AATK: variants seen among roughly 807,000 people sequenced by gnomAD.
AATK encodes the protein lemur tail kinase 1.
In AATK, 91 loss-of-function variants were observed where a neutral mutation model predicts 114.3. The ratio of observed to expected loss-of-function variants is 0.80; its 90% CI spans 0.67 to 0.95. The LOEUF is 0.95. Among genes scored for constraint, AATK ranks in the 40% least tolerant of loss-of-function variants. The pLI is 0.00. For missense variants in AATK, 2,176 were observed against 1,965.2 expected (o/e 1.11, Z -2.03); for synonymous variants, 1,075 against 916.5 (o/e 1.17, Z -3.12).
In AATK at chr17:81,166,116, C is replaced by T; in HGVS notation, c.-124G>A. On this transcript the variant is annotated 5_prime_UTR_variant, in exon 1 of 14. Coordinates refer to ENST00000326724, the MANE Select transcript of AATK (RefSeq NM_001080395.3). ...GTGCGGAGCGCGCCGGCCCCCGCGCCCCGCGCCCCCCGCCGCAGCCGCAGA... is the reference window on the plus strand; with the variant it reads ...GTGCGGAGCGCGCCGGCCCCCGCGCTCCGCGCCCCCCGCCGCAGCCGCAGA... 1 of 440,402 alleles carries T rather than the reference C, an allele frequency of 2.3e-6. No individual in the cohort carries two copies. The highest frequency in any genetic ancestry group is 3.0e-6 in the Non-Finnish European group (1 of 336,510). 27.3% of individuals were successfully genotyped at this position (440,402 alleles called of 1,614,324 possible).
chr17:81,138,370 TGGACACAC>T lies in AATK; in HGVS notation c.56-3877_56-3870del, dbSNP rs1445460494. ...ACATACCCACGCACACACACTCCCA[TGGACACAC>T]GGGCACACGTGCACACACACCCCCA... On this transcript the variant is annotated intron_variant, in intron 1 of 13. Coordinates refer to ENST00000326724, the MANE Select transcript of AATK (RefSeq NM_001080395.3). Among the ~76,000 whole-genome samples the T allele has an allele frequency of 4.8e-5, 5 of 104,914 alleles. No individual in the cohort carries two copies. In the South Asian group the frequency reaches 1.0e-3, roughly 22 times the overall value. The allele number at this position is 104,914 out of a possible 152,430, so 68.8% of individuals were successfully genotyped here. A position where few individuals can be genotyped will look rare whatever the true frequency, so the allele number is the denominator to read the frequency against.
intron 1 of AATK, chr17:81,160,338 C>A (rs891594177): frequency 1.2e-3 from 956 of 780,678 alleles, no homozygotes; most frequent in Middle Eastern, 2.6e-3. Flanking sequence ...AAGGCCGCAG[C>A]CCCCTGACCC....
At chr17:81,143,253 C>G (rs2061164637) in intron 1 of AATK, among the ~76,000 whole-genome samples, 1 of 152,128 alleles carries the variant, frequency 6.6e-6, no homozygotes, top group Non-Finnish European at 1.5e-5. Flanking sequence ...TGCAGCAGCC[C>G]CAGGTCCCAG....
intron 4 of AATK, among the ~76,000 whole-genome samples, chr17:81,128,143 CCTCTCT>C (rs35548893): frequency 2.7e-5 from 4 of 150,688 alleles, no homozygotes; most frequent in African/African-American, 7.3e-5. Context: ...CCCCCGCTGC[CCTCTCT>C]CTCTCTCTCT....
At chr17:81,127,077 G>C (rs1473464409) in intron 6 of AATK, among the ~76,000 whole-genome samples, 2 of 143,680 alleles carry the variant, frequency 1.4e-5, no homozygotes, top group African/African-American at 2.6e-5. Flanking sequence ...CTCGGGGGAG[G>C]GGGAGACGGG....
chr17:81,131,055 C>T lies in AATK; in HGVS notation c.334+6G>A. 2 of 1,549,756 alleles carry T rather than the reference C, an allele frequency of 1.3e-6. No homozygotes were observed. Among genetic ancestry groups the T allele is most frequent in the Non-Finnish European group, 1.7e-6 (2 of 1,147,824 alleles). On this transcript the variant is annotated splice_donor_region_variant and intron_variant, in intron 3 of 13. Transcript: ENST00000326724. Reference sequence around the variant, plus strand: ...AGGCCACCCCATCTCCCCACCCAGCCCTCACCTGAGCGCCCAGGCTGCTTG... The same window carrying T: ...AGGCCACCCCATCTCCCCACCCAGCTCTCACCTGAGCGCCCAGGCTGCTTG...
intron 1 of AATK, among the ~76,000 whole-genome samples, chr17:81,140,125 C>T (rs1275216569): frequency 1.3e-5 from 2 of 152,278 alleles, no homozygotes; most frequent in Non-Finnish European, 2.9e-5. Flanking sequence ...CAGTCCTCCC[C>T]GCCCAGCCTC....
chr17:81,146,328 C>T lies in AATK; in HGVS notation c.56-11827G>A, dbSNP rs532523058. On this transcript the variant is annotated intron_variant, in intron 1 of 13. Transcript: ENST00000326724. ...GTGAGCCAAGATTGAGCCACTGGACCGCAGCCTGGGTGACAGAGAGAGACC... is the reference window on the plus strand; with the variant it reads ...GTGAGCCAAGATTGAGCCACTGGACTGCAGCCTGGGTGACAGAGAGAGACC... Among the ~76,000 whole-genome samples, 19 of 151,082 alleles carry T rather than the reference C, an allele frequency of 1.3e-4. 1 individual carries two copies. Among genetic ancestry groups the T allele is most frequent in the African/African-American group, 4.4e-4 (18 of 41,094 alleles).
At chr17:81,140,706 G>GACCATGGGGCCGTGGGGC (rs1360607778) in intron 1 of AATK, among the ~76,000 whole-genome samples, 3 of 122,868 alleles carry the variant, frequency 2.4e-5, no homozygotes, top group African/African-American at 3.0e-5. Context: ...GAGCTGTGGG[G>GACCATGGGGCCGTGGGGC]CGGTGAGACC....
chr17:81,119,415 G>T lies in AATK; in HGVS notation c.4049C>A (p.Thr1350Lys). The change falls in exon 13 of 14, where the codon ACG becomes AAG. Residue 1350 changes from threonine (T) to lysine (K), a missense_variant. By Grantham distance (78) the Thr-to-Lys change is moderately conservative. This residue lies in a region of AATK where 1,701 missense variants were observed against 1,394.7 expected (regional missense o/e 1.22). Transcript: ENST00000326724. The part of the protein sequence containing the change: ...SPAPTSRFSI[T>K]HVSDSDAESK... The stretch of plus-strand genomic sequence containing the variant: ...CTCGGCGTCCGAGTCAGACACGTGC[G>T]TGATGGAGAAGCGGGACGTGGGCGC... 6.5e-7 allele frequency: 1 copy of T among 1,545,252 alleles called. No homozygotes were observed.
In AATK at chr17:81,126,330, T is replaced by C; in HGVS notation, c.755+97A>G. On this transcript the variant is annotated intron_variant, in intron 7 of 13. Transcript: ENST00000326724. This position sits in a 1 kb window ranked among gnomAD's most constrained non-coding sequence, Gnocchi z 5.1. ...TGCATGAGATGAACCTGGCCGGTCC[T>C]CGCAAGCCCCCTGAGGCAGGACCCG... is the stretch of plus-strand genomic sequence containing the variant. 4 of 1,429,284 alleles carry C rather than the reference T, an allele frequency of 2.8e-6. No homozygotes were observed. The highest frequency in any genetic ancestry group is 3.7e-6 in the Non-Finnish European group (4 of 1,074,314). 88.5% of individuals were successfully genotyped at this position (1,429,284 alleles called of 1,614,324 possible). A position where few individuals can be genotyped will look rare whatever the true frequency, so the allele number is the denominator to read the frequency against.
At position 81,163,050 on chromosome 17, in the gene AATK, AG is replaced by A. The variant is rs199509248; in HGVS notation, c.55+2887del. Among the ~76,000 whole-genome samples the A allele has an allele frequency of 7.4e-3, 1,127 of 152,266 alleles. 11 individuals carry two copies. Among genetic ancestry groups the A allele is most frequent in the Admixed American group, 0.01 (160 of 15,302 alleles). ...TACAGATGACAAAACAGGCATGGAG[AG>A]CCAGTCACAGAAGGGCCCCTCAGCA... On this transcript the variant is annotated intron_variant, in intron 1 of 13. Transcript: ENST00000326724.
rs1568219321 is a variant in AATK, at chr17:81,121,209, C to CGGGATGTCCA, written c.2717_2726dup (p.Ser910GlyfsTer8). 6.2e-7 allele frequency: 1 copy of CGGGATGTCCA among 1,604,652 alleles called. No individual in the cohort carries two copies. The highest frequency in any genetic ancestry group is 1.3e-5 in the African/African-American group (1 of 74,752). ...CATAGCCACCATCACTGGCTGAGGA[C>CGGGATGTCCA]GGGATGTCCAGGGAGTCCAGGGAGT... On this transcript the variant is annotated frameshift_variant, in exon 11 of 14. Coordinates refer to ENST00000326724, the MANE Select transcript of AATK (RefSeq NM_001080395.3). LOFTEE classifies it high-confidence loss of function.
intron 1 of AATK, among the ~76,000 whole-genome samples, chr17:81,146,780 A>G (rs1162797286): frequency 6.6e-6 from 1 of 151,928 alleles, no homozygotes; most frequent in Non-Finnish European, 1.5e-5. Flanking sequence ...AGCCTTGATC[A>G]TAAAGAAATG....
intron 1 of AATK, chr17:81,160,291 A>AC: frequency 2.0e-6 from 2 of 983,646 alleles, no homozygotes; most frequent in Non-Finnish European, 2.4e-6. Flanking sequence ...CCCCAGAGTG[A>AC]CCCCCGGGAG....
chr17:81,130,954 G>T, intron 3 of AATK, 107 bp downstream of exon 3: 2 of 1,371,668 alleles, frequency 1.5e-6, no homozygotes, highest in Non-Finnish European at 2.0e-6. Flanking sequence ...CCAGCCCTGT[G>T]CTGCCCCCAC....
intron 1 of AATK, among the ~76,000 whole-genome samples, chr17:81,137,933 C>T (rs12940230): frequency 0.56 from 85,117 of 151,180 alleles, 24,916 homozygotes; most frequent in East Asian, 0.89. Flanking sequence ...CACAGCCACA[C>T]GCACACATCC....
At chr17:81,151,405 C>T (rs1410259299) in intron 1 of AATK, among the ~76,000 whole-genome samples, 1 of 62,160 alleles carries the variant, frequency 1.6e-5, no homozygotes, top group Non-Finnish European at 4.0e-5. Context: ...ACGCAAGGCT[C>T]CTGGGGCTGG....
chr17:81,140,722 GCTGTGAGCCGTGGGGCCGGGAGA>G lies in AATK; in HGVS notation c.56-6244_56-6222del, dbSNP rs1485550925. Reference sequence around the variant, plus strand: ...AGCTGTGGGGCGGTGAGACCGTGGGGCTGTGAGCCGTGGGGCCGGGAGACCGTGGGGCCGTGAGCCGTGGGGCT... The same window carrying G: ...AGCTGTGGGGCGGTGAGACCGTGGGGCCGTGGGGCCGTGAGCCGTGGGGCT... On this transcript the variant is annotated intron_variant, in intron 1 of 13. Transcript: ENST00000326724. 3.0e-4 allele frequency among the ~76,000 whole-genome samples: 35 copies of G among 116,970 alleles called. 3 individuals carry two copies. Among genetic ancestry groups the G allele is most frequent in the South Asian group, 6.2e-4 (2 of 3,216 alleles). 76.7% of individuals were successfully genotyped at this position (116,970 alleles called of 152,430 possible). A position where few individuals can be genotyped will look rare whatever the true frequency, so the allele number is the denominator to read the frequency against.
Sources: gnomAD v4.1 joint callset for allele counts (sites outside exome capture counted in the v4.1 genomes callset) on GRCh38, gnomAD v4.1.1 for gene constraint, gnomAD v4.1.1 regional missense constraint, Gnocchi (gnomAD v3.1) non-coding constraint, MANE v1.5 for transcripts, NCBI Gene and HGNC (gene_info 2026-07-23, HGNC 2026-07-21) for gene names.